Variants in PREP observed in about 807,000 individuals in gnomAD.
PREP encodes the protein dJ355L5.1 (prolyl endopeptidase).
PREP carries 29 observed loss-of-function variants against 87.6 expected under a neutral mutation model. That is an observed-to-expected ratio of 0.33 (90% CI 0.25 to 0.45). The LOEUF is 0.45. PREP is among the 20% of genes least tolerant of loss of function. PREP has a pLI of 1.00. For missense variants in PREP, 695 were observed against 886.5 expected, an observed-to-expected ratio of 0.78 and a Z score of 2.74; for synonymous variants, 337 against 328.6, an observed-to-expected ratio of 1.03 and a Z score of -0.28.
chr6:105,284,239 C>G (rs529682963), intron 12 of PREP, among the ~76,000 whole-genome samples: 6 of 152,112 alleles, frequency 3.9e-5, no homozygotes, highest in Non-Finnish European at 8.8e-5. Context: ...TAACTGGCAA[C>G]GATGGACCAG....
chr6:105,339,954 T>C (rs1371672469), intron 7 of PREP, among the ~76,000 whole-genome samples: 1 of 152,164 alleles, frequency 6.6e-6, no homozygotes, highest in African/African-American at 2.4e-5. Context: ...TGGAACCAAG[T>C]TGGAAAACAC....
At chr6:105,343,063 T>C (rs1254110282) in intron 7 of PREP, among the ~76,000 whole-genome samples, 4 of 144,520 alleles carry the variant, frequency 2.8e-5, no homozygotes, top group Admixed American at 7.0e-5. Flanking sequence ...GAGCCTGCAT[T>C]GCCAAGACAA....
At chr6:105,329,192 G>A (rs1356883865) in intron 8 of PREP, among the ~76,000 whole-genome samples, 166 bp from the exon 9 acceptor site, 2 of 149,260 alleles carry the variant, frequency 1.3e-5, no homozygotes, top group African/African-American at 2.5e-5. Context: ...TTGCTGTGTC[G>A]CCCAGGCTTG....
At position 105,343,305 on chromosome 6, in the gene PREP, G is replaced by A. The variant is rs574466818; in HGVS notation, c.823+9667C>T. Among the ~76,000 whole-genome samples, 380 of 152,234 alleles carry A rather than the reference G, an allele frequency of 2.5e-3. 2 individuals carry two copies. Among genetic ancestry groups the A allele is most frequent in the African/African-American group, 8.6e-3 (358 of 41,518 alleles). ...GATTCCCTATTTAATAAATGGTGCT[G>A]GGAAAACTGGCTAGCCATATGTAGA... is the stretch of plus-strand genomic sequence containing the variant. On this transcript the variant is annotated intron_variant, in intron 7 of 14. Coordinates refer to ENST00000652536, the MANE Select transcript of PREP (RefSeq NM_002726.5).
At chr6:105,396,538 A>G (rs1322525682) in intron 2 of PREP, among the ~76,000 whole-genome samples, 3 of 152,124 alleles carry the variant, frequency 2.0e-5, no homozygotes, top group Non-Finnish European at 4.4e-5. Flanking sequence ...GGGCAATTCT[A>G]CATCAGGAAG....
chr6:105,325,408 T>C lies in PREP; in HGVS notation c.1214-1640A>G, dbSNP rs116925875. On this transcript the variant is annotated intron_variant, in intron 9 of 14. Transcript: ENST00000652536. ...CCAAAGTACTAGAATGCAAGTTCTGTAGTGAAAGACAATGAGTAGGAAATA... is the reference window on the plus strand; with the variant it reads ...CCAAAGTACTAGAATGCAAGTTCTGCAGTGAAAGACAATGAGTAGGAAATA... Among the ~76,000 whole-genome samples the C allele has an allele frequency of 4.5e-3, 679 of 152,302 alleles. 9 individuals carry two copies. The highest frequency in any genetic ancestry group is 0.04 in the East Asian group (210 of 5,188).
At position 105,318,018 on chromosome 6, in the gene PREP, C is replaced by T. The variant is rs75159041; in HGVS notation, c.1317+5647G>A. Among the ~76,000 whole-genome samples the T allele has an allele frequency of 4.6e-5, 7 of 152,252 alleles. No individual in the cohort carries two copies. In the East Asian group the frequency reaches 1.2e-3, roughly 25 times the overall value. On this transcript the variant is annotated intron_variant, in intron 10 of 14. Transcript: ENST00000652536. ...CAATCCTGATCCTGAGATTTAGGTA[C>T]CTGGCCACCAGGTGGCATTTGGGTG...
intron 2 of PREP, among the ~76,000 whole-genome samples, chr6:105,379,139 T>G (rs1291900334): frequency 6.6e-6 from 1 of 152,126 alleles, no homozygotes; most frequent in Non-Finnish European, 1.5e-5. Flanking sequence ...AAACAGAAAA[T>G]AAAATTTACT....
intron 6 of PREP, 75 bp from the exon 7 acceptor site, chr6:105,353,152 TA>T: frequency 2.4e-6 from 3 of 1,229,736 alleles, no homozygotes; most frequent in Non-Finnish European, 3.5e-6. Context: ...AATATTAAGT[TA>T]AAAAATTAAG....
At chr6:105,397,050 T>C (rs2114737136) in intron 2 of PREP, among the ~76,000 whole-genome samples, 1 of 152,118 alleles carries the variant, frequency 6.6e-6, no homozygotes, top group African/African-American at 2.4e-5. Context: ...CCGGGTGTGG[T>C]GGCACATGCC....
chr6:105,305,515 A>C (rs7766705), intron 10 of PREP, among the ~76,000 whole-genome samples: 2,865 of 152,246 alleles, frequency 0.019, 86 homozygotes, highest in African/African-American at 0.066. Context: ...ACAAATAGCT[A>C]CTGGGAAGTA....
chr6:105,316,368 T>TA (rs1770869175), intron 10 of PREP, among the ~76,000 whole-genome samples: 1 of 152,220 alleles, frequency 6.6e-6, no homozygotes, highest in Non-Finnish European at 1.5e-5. Flanking sequence ...ATTTTTCAGT[T>TA]AAGTTCACCA....
intron 6 of PREP, among the ~76,000 whole-genome samples, chr6:105,360,959 A>G (rs1772232820): frequency 6.6e-6 from 1 of 152,228 alleles, no homozygotes; most frequent in African/African-American, 2.4e-5. Context: ...ACACACATAT[A>G]TATACACACA....
At chr6:105,398,548 T>G (rs1012015783) in intron 1 of PREP, among the ~76,000 whole-genome samples, 1 of 152,198 alleles carries the variant, frequency 6.6e-6, no homozygotes, top group African/African-American at 2.4e-5. Context: ...TGAAATGCTT[T>G]TTTCCACTGT....
chr6:105,397,185 C>CCAAAAAAAAAAAAAAAA (rs775026045), intron 2 of PREP, among the ~76,000 whole-genome samples: 2 of 86,844 alleles, frequency 2.3e-5, no homozygotes, highest in African/African-American at 3.7e-5. Context: ...ACTCTGTCTA[C>CCAAAAAAAAAAAAAAAA]AAAAAAAAAA....
In PREP at chr6:105,368,979, A is replaced by AC; in HGVS notation, c.640dup (p.Val214GlyfsTer14). 6.2e-7 allele frequency: 1 copy of AC among 1,614,052 alleles called. No homozygotes were observed. Among genetic ancestry groups the AC allele is most frequent in the Non-Finnish European group, 8.5e-7 (1 of 1,179,924 alleles). ...ATCTTCTGACTGATCGGTTCCCAAG[A>AC]CATGGTAGTAGAGCTTTTGGTGGAG... On this transcript the variant is annotated frameshift_variant, in exon 6 of 15. Transcript: ENST00000652536. LOFTEE classifies it high-confidence loss of function.
intron 6 of PREP, among the ~76,000 whole-genome samples, chr6:105,367,382 G>A (rs1026435290): frequency 2.6e-5 from 4 of 152,110 alleles, no homozygotes; most frequent in African/African-American, 9.7e-5. Flanking sequence ...AGAAAAGCTG[G>A]TAGAGTGGGA....
rs1319027829 is a variant in PREP, at chr6:105,338,238, A to ACCTGACAAGGTCCTG, written c.824-4734_824-4733insCAGGACCTTGTCAGG. 1.8e-4 allele frequency among the ~76,000 whole-genome samples: 28 copies of ACCTGACAAGGTCCTG among 152,088 alleles called. No individual in the cohort carries two copies. The South Asian group carries it at 5.4e-3, about 29-fold the overall frequency. ...GAAACCTTTATTTCACAAAATAACC[A>ACCTGACAAGGTCCTG]CCTTATGGTTTCTGCCTGACAAGGT... On this transcript the variant is annotated intron_variant, in intron 7 of 14. Coordinates refer to ENST00000652536, the MANE Select transcript of PREP (RefSeq NM_002726.5).
At chr6:105,382,708 G>C (rs183225823) in intron 2 of PREP, among the ~76,000 whole-genome samples, 3 of 152,168 alleles carry the variant, frequency 2.0e-5, no homozygotes, top group Non-Finnish European at 4.4e-5. Flanking sequence ...GCTACTTCCA[G>C]GGCAGGGCAG....
Sources: allele counts gnomAD v4.1 joint callset (sites outside exome capture counted in the v4.1 genomes callset), GRCh38; gene constraint gnomAD v4.1.1; transcripts MANE v1.5; gene names NCBI Gene and HGNC (gene_info 2026-07-23, HGNC 2026-07-21).